The following KCNMB2 variants were observed in gnomAD, a reference collection of about 807,000 sequenced individuals.
The protein encoded by KCNMB2 is potassium calcium-activated channel subfamily M regulatory beta subunit 2, also known as calcium-activated potassium channel subunit beta-2.
A neutral mutation model predicts 24.5 loss-of-function variants in KCNMB2; 9 were observed. The ratio of observed to expected loss-of-function variants is 0.37; its 90% confidence interval spans 0.22 to 0.64. The LOEUF (loss-of-function observed/expected upper bound fraction) is 0.64, where lower values mean the gene tolerates loss of function less well. Ranked by LOEUF, KCNMB2 falls within the 30% of genes least tolerant of loss-of-function variation. The pLI is 0.63. For missense variants in KCNMB2, 226 were observed against 284.3 expected, an observed-to-expected ratio of 0.79 and a Z score of 1.47; for synonymous variants, 109 against 104.4, an observed-to-expected ratio of 1.04 and a Z score of -0.27.
chr3:178,776,823 G>T (rs1339317911), intron 1 of KCNMB2, among the ~76,000 whole-genome samples: 2 of 152,148 alleles, frequency 1.3e-5, no homozygotes, highest in African/African-American at 4.8e-5. Context: ...GTGTTTAAAA[G>T]TGTAGACTCC....
intron 1 of KCNMB2, among the ~76,000 whole-genome samples, chr3:178,697,479 C>A (rs1002288960): frequency 6.6e-6 from 1 of 152,108 alleles, no homozygotes; most frequent in Admixed American, 6.6e-5. Flanking sequence ...CCACACATTT[C>A]TTTTAAACCT....
At chr3:178,719,968 C>G (rs1722742046) in intron 1 of KCNMB2, among the ~76,000 whole-genome samples, 1 of 151,768 alleles carries the variant, frequency 6.6e-6, no homozygotes, top group Non-Finnish European at 1.5e-5. Flanking sequence ...GGTATATAAT[C>G]TTTTTTTTCA....
chr3:178,631,588 T>A (rs760601420), intron 1 of KCNMB2, among the ~76,000 whole-genome samples: 2 of 152,170 alleles, frequency 1.3e-5, no homozygotes, highest in Non-Finnish European at 2.9e-5. Flanking sequence ...GATGAATGGA[T>A]TAATGGATGA....
At chr3:178,778,465 C>CGCACGTGCGCGCGCGCGCGCGCAG (rs1712683717) in intron 1 of KCNMB2, among the ~76,000 whole-genome samples, 1 of 89,020 alleles carries the variant, frequency 1.1e-5, no homozygotes, top group Admixed American at 9.7e-5. Flanking sequence ...GACACACACA[C>CGCACGTGCGCGCGCGCGCGCGCAG]ACACACACAC....
intron 1 of KCNMB2, among the ~76,000 whole-genome samples, chr3:178,760,377 A>G (rs890109193): frequency 1.5e-5 from 2 of 134,694 alleles, no homozygotes; most frequent in Non-Finnish European, 3.1e-5. Context: ...CAAGATATAT[A>G]TATTATATAT....
At chr3:178,600,703 A>T (rs1163206624) in intron 1 of KCNMB2, among the ~76,000 whole-genome samples, 7 of 152,164 alleles carry the variant, frequency 4.6e-5, no homozygotes, top group African/African-American at 1.7e-4. Flanking sequence ...AGAGAGGTTA[A>T]TGAGGTGATT....
intron 1 of KCNMB2, among the ~76,000 whole-genome samples, chr3:178,730,405 A>ACT (rs1553771362): frequency 8.9e-6 from 1 of 112,150 alleles, no homozygotes; most frequent in Non-Finnish European, 1.8e-5. Context: ...GTCCCCCAAC[A>ACT]CCCCCCCACA....
At chr3:178,744,891 T>C (rs1321904753) in intron 1 of KCNMB2, among the ~76,000 whole-genome samples, 3 of 152,124 alleles carry the variant, frequency 2.0e-5, no homozygotes, top group African/African-American at 7.2e-5. Context: ...ACTCATCAAT[T>C]ATAGAGAAGC....
intron 1 of KCNMB2, among the ~76,000 whole-genome samples, chr3:178,648,710 C>T (rs1720005594): frequency 6.6e-6 from 1 of 152,162 alleles, no homozygotes. Flanking sequence ...ATTCAATTTG[C>T]TTTCTTTCCT....
At chr3:178,716,299 T>A (rs1010392487) in intron 1 of KCNMB2, among the ~76,000 whole-genome samples, 52 of 152,226 alleles carry the variant, frequency 3.4e-4, no homozygotes, top group African/African-American at 1.2e-3. Flanking sequence ...ATTCACGTTA[T>A]CACATTTATC....
At chr3:178,557,572 A>C (rs942984138) in intron 1 of KCNMB2, among the ~76,000 whole-genome samples, 17 of 152,174 alleles carry the variant, frequency 1.1e-4, no homozygotes, top group African/African-American at 3.9e-4. Context: ...TATTCTCTCT[A>C]CCCTTATTCG....
At chr3:178,682,078 G>T (rs1429250221) in intron 1 of KCNMB2, among the ~76,000 whole-genome samples, 1 of 152,086 alleles carries the variant, frequency 6.6e-6, no homozygotes. Context: ...ATCCCCATAG[G>T]TAAGTCCCCA....
intron 1 of KCNMB2, among the ~76,000 whole-genome samples, chr3:178,621,165 C>T (rs1718907441): frequency 6.6e-6 from 1 of 152,046 alleles, no homozygotes; most frequent in South Asian, 2.1e-4. Flanking sequence ...AATTTAGGCC[C>T]AAAACAATAG....
chr3:178,559,812 T>C (rs1434807922), intron 1 of KCNMB2, among the ~76,000 whole-genome samples: 1 of 151,024 alleles, frequency 6.6e-6, no homozygotes, highest in Non-Finnish European at 1.5e-5. Context: ...GACTGCAAAA[T>C]TGTTTAAGAA....
chr3:178,835,663 A>G (rs1007643328), intron 4 of KCNMB2, among the ~76,000 whole-genome samples: 21 of 152,166 alleles, frequency 1.4e-4, no homozygotes, highest in Admixed American at 8.5e-4. Flanking sequence ...TGACTTTGGA[A>G]CTAATAATAT....
chr3:178,627,134 T>G (rs1327045771), intron 1 of KCNMB2, among the ~76,000 whole-genome samples: 1 of 152,086 alleles, frequency 6.6e-6, no homozygotes, highest in Non-Finnish European at 1.5e-5. Flanking sequence ...TTATAAACAT[T>G]GAGATTTATT....
intron 1 of KCNMB2, among the ~76,000 whole-genome samples, chr3:178,787,385 G>T (rs1341537382): frequency 1.3e-5 from 2 of 151,956 alleles, no homozygotes; most frequent in East Asian, 1.9e-4. Context: ...TGTTGCATAC[G>T]CACATATATG....
At chr3:178,771,611 G>A (rs1712368618) in intron 1 of KCNMB2, among the ~76,000 whole-genome samples, 1 of 149,594 alleles carries the variant, frequency 6.7e-6, no homozygotes, top group Admixed American at 6.7e-5. Context: ...GCCTCCCAAA[G>A]CATTGGAATT....
At chr3:178,591,172 G>C (rs1362804207) in intron 1 of KCNMB2, among the ~76,000 whole-genome samples, 1 of 151,784 alleles carries the variant, frequency 6.6e-6, no homozygotes, top group Non-Finnish European at 1.5e-5. Context: ...TTAGTCCATA[G>C]ATCTGAGGAC....
Sources: allele counts gnomAD v4.1 joint callset (sites outside exome capture counted in the v4.1 genomes callset), GRCh38; gene constraint gnomAD v4.1.1; transcripts MANE v1.5; gene names NCBI Gene and HGNC (gene_info 2026-07-23, HGNC 2026-07-21).